Variants in INPP4B observed in about 807,000 individuals in gnomAD.
INPP4B encodes inositol polyphosphate 4-phosphatase type II.
A neutral mutation model predicts 122.5 loss-of-function variants in INPP4B; 55 were observed. That is an observed-to-expected ratio of 0.45 (90% confidence interval 0.36 to 0.56). The LOEUF is 0.56. Ranked by LOEUF, INPP4B falls within the 20% of genes least tolerant of loss-of-function variation. The pLI is 0.00. For synonymous variants in INPP4B, 403 were observed against 388.7 expected, an observed-to-expected ratio of 1.04 and a Z score of -0.43; for missense variants, 1,000 against 1,097.7, an observed-to-expected ratio of 0.91 and a Z score of 1.26.
At chr4:142,147,396 C>T (rs6828681) in intron 17 of INPP4B, among the ~76,000 whole-genome samples, 74 of 152,064 alleles carry the variant, frequency 4.9e-4, no homozygotes, top group African/African-American at 1.7e-3. Context: ...ACAGACATGC[C>T]TACTTTAGCT....
intron 2 of INPP4B, among the ~76,000 whole-genome samples, chr4:142,555,953 A>G (rs530842476): frequency 6.6e-6 from 1 of 152,270 alleles, no homozygotes; most frequent in African/African-American, 2.4e-5. Context: ...GTGTATATAC[A>G]GATATAGATT....
chr4:142,392,431 A>G (rs532624280), intron 7 of INPP4B, among the ~76,000 whole-genome samples: 1 of 152,286 alleles, frequency 6.6e-6, no homozygotes, highest in South Asian at 2.1e-4. Context: ...AACCTTATAC[A>G]TGGATAACCT....
At chr4:142,721,820 T>TA (rs904315197) in intron 2 of INPP4B, among the ~76,000 whole-genome samples, 70 of 151,052 alleles carry the variant, frequency 4.6e-4, no homozygotes, top group Non-Finnish European at 6.4e-4. Flanking sequence ...GACTCCGTCT[T>TA]AAAAAAAAAG....
rs72363974 is a variant in INPP4B at position 142,537,740 on chromosome 4, A to AGTGTGTGTGT, written c.-190-75024_-190-75015dup. On this transcript the variant is annotated intron_variant, in intron 2 of 25. Transcript: ENST00000262992. ...GTCTGTGAGTATGTATGTGTATATG[A>AGTGTGTGTGT]GTGTGTGTGTGTGTGTGTGTGTGTG... Among the ~76,000 whole-genome samples the AGTGTGTGTGT allele has an allele frequency of 5.8e-3, 847 of 146,874 alleles. 4 individuals carry two copies. Among genetic ancestry groups the AGTGTGTGTGT allele is most frequent in the Non-Finnish European group, 7.7e-3 (514 of 66,406 alleles).
In INPP4B at chr4:142,595,816, C is replaced by T. The variant is rs182898092; in HGVS notation, c.-191+130023G>A. Among the ~76,000 whole-genome samples the T allele has an allele frequency of 4.5e-3, 681 of 152,192 alleles. 3 individuals are homozygous for T. The highest frequency in any genetic ancestry group is 8.6e-3 in the Non-Finnish European group (584 of 67,990). On this transcript the variant is annotated intron_variant, in intron 2 of 25. Transcript: ENST00000262992. ...TCCTTATTATAAATCCACCTGACTA[C>T]TTCTTTATGAAAAGCCAAGGTAGAT...
intron 1 of INPP4B, among the ~76,000 whole-genome samples, chr4:142,795,927 C>G (rs1044368640): frequency 6.6e-6 from 1 of 151,916 alleles, no homozygotes; most frequent in African/African-American, 2.4e-5. Flanking sequence ...ATTTAATAAG[C>G]CTCCTATATT....
chr4:142,262,724 A>G (rs532135691), intron 10 of INPP4B, among the ~76,000 whole-genome samples: 3 of 152,238 alleles, frequency 2.0e-5, no homozygotes, highest in South Asian at 4.1e-4. Context: ...ATGAATGATG[A>G]TTATTTGCCT....
intron 1 of INPP4B, among the ~76,000 whole-genome samples, chr4:142,829,599 A>G (rs1349623546): frequency 1.3e-5 from 2 of 152,192 alleles, no homozygotes; most frequent in East Asian, 3.8e-4. Flanking sequence ...GAGCACTCCA[A>G]AGAAATGGCA....
intron 11 of INPP4B, among the ~76,000 whole-genome samples, chr4:142,254,582 T>A (rs1186734202): frequency 6.6e-6 from 1 of 151,780 alleles, no homozygotes; most frequent in African/African-American, 2.4e-5. Flanking sequence ...GCCGAGGAGA[T>A]CAACTGGAAG....
At chr4:142,296,021 C>A (rs1447310074) in intron 9 of INPP4B, among the ~76,000 whole-genome samples, 1 of 152,156 alleles carries the variant, frequency 6.6e-6, no homozygotes, top group East Asian at 1.9e-4. Context: ...AATTAGCTCT[C>A]AAACTTCTTA....
At chr4:142,686,448 G>A (rs939277583) in intron 2 of INPP4B, among the ~76,000 whole-genome samples, 2 of 151,978 alleles carry the variant, frequency 1.3e-5, no homozygotes, top group Non-Finnish European at 2.9e-5. Flanking sequence ...GACAATCAGT[G>A]GTCAGGACTC....
rs1178691061 is a variant in INPP4B, at chr4:142,208,474, T to C, written c.1023A>G (p.Pro341=). 1.2e-6 allele frequency: 2 copies of C among 1,602,746 alleles called. No homozygotes were observed. The highest frequency in any genetic ancestry group is 2.2e-5 in the South Asian group (2 of 89,464). ...GCATTCTTTGCAGATGTAGATTTATTGGAACAAATTCTAATGTTTTCTCTC... is the reference window on the plus strand; with the variant it reads ...GCATTCTTTGCAGATGTAGATTTATCGGAACAAATTCTAATGTTTTCTCTC... ...SKGEKTLEFV[P]INLHLQRMQV... The change falls in exon 14 of 26, where the codon CCA becomes CCG. Residue 341 remains proline, a synonymous_variant. Transcript: ENST00000262992.
At chr4:142,063,831 A>T in intron 25 of INPP4B, among the ~76,000 whole-genome samples, 1 of 152,124 alleles carries the variant, frequency 6.6e-6, no homozygotes, top group East Asian at 1.9e-4. Context: ...TTTATGAAAA[A>T]ACTAAATAAA....
intron 7 of INPP4B, among the ~76,000 whole-genome samples, chr4:142,361,947 C>T (rs534183145): frequency 2.0e-5 from 3 of 151,938 alleles, no homozygotes; most frequent in Non-Finnish European, 4.4e-5. Flanking sequence ...GGAGATATAA[C>T]AGTAAATATG....
Position 142,103,678 on chromosome 4 carries a change from C to T in INPP4B, c.2374+4415G>A, listed in dbSNP as rs115001815. Among the ~76,000 whole-genome samples the T allele has an allele frequency of 7.7e-3, 1,177 of 152,126 alleles. 15 individuals are homozygous for T. Among genetic ancestry groups the T allele is most frequent in the African/African-American group, 0.026 (1,099 of 41,518 alleles). On this transcript the variant is annotated intron_variant, in intron 23 of 25. Coordinates refer to ENST00000262992, the MANE Select transcript of INPP4B (RefSeq NM_001101669.3). ...TGAGTCATTAAATTGAAAGATACTACGGCATAGACCGTATCTTACTCATCT... is the reference window on the plus strand; with the variant it reads ...TGAGTCATTAAATTGAAAGATACTATGGCATAGACCGTATCTTACTCATCT...
rs534656196 is a variant in INPP4B at position 142,817,686 on chromosome 4, C to T, written c.-254+28523G>A. On this transcript the variant is annotated intron_variant, in intron 1 of 25. Coordinates refer to ENST00000262992, the MANE Select transcript of INPP4B (RefSeq NM_001101669.3). ...GAAGCCAGGGATTAAGACTCACTGG[C>T]AGCACATCGCCCAGGAAGTCAGCTT... is the stretch of plus-strand genomic sequence containing the variant. Among the ~76,000 whole-genome samples, 7 of 152,262 alleles carry T rather than the reference C, an allele frequency of 4.6e-5. No individual in the cohort carries two copies. In the East Asian group the frequency reaches 1.2e-3, roughly 25 times the overall value.
chr4:142,033,751 A>G (rs968127297), intron 25 of INPP4B, among the ~76,000 whole-genome samples: 6 of 142,006 alleles, frequency 4.2e-5, no homozygotes, highest in Non-Finnish European at 9.0e-5. Context: ...TGCAGCTTCT[A>G]TCTCTCGAGC....
At chr4:142,191,185 G>A (rs975795744) in intron 15 of INPP4B, among the ~76,000 whole-genome samples, 2 of 152,190 alleles carry the variant, frequency 1.3e-5, no homozygotes, top group Non-Finnish European at 2.9e-5. Flanking sequence ...AGGTATATTG[G>A]TTAGGGGCCT....
In INPP4B at chr4:142,721,875, A is replaced by G. The variant is rs183010956; in HGVS notation, c.-191+3964T>C. Among the ~76,000 whole-genome samples the G allele has an allele frequency of 2.0e-5, 3 of 152,280 alleles. No homozygotes were observed. In the East Asian group the frequency reaches 5.8e-4, roughly 29 times the overall value. ...GGTTCTCCAGGTAGTCCTAATTAATACAAAACATAGCAAAATTATAACTTT... is the reference window on the plus strand; with the variant it reads ...GGTTCTCCAGGTAGTCCTAATTAATGCAAAACATAGCAAAATTATAACTTT... On this transcript the variant is annotated intron_variant, in intron 2 of 25. Coordinates refer to ENST00000262992, the MANE Select transcript of INPP4B (RefSeq NM_001101669.3).
Sources: allele counts gnomAD v4.1 joint callset (sites outside exome capture counted in the v4.1 genomes callset), GRCh38; gene constraint gnomAD v4.1.1; transcripts MANE v1.5; gene names NCBI Gene and HGNC (gene_info 2026-07-23, HGNC 2026-07-21).